Variants in DLGAP4 observed in about 807,000 individuals in gnomAD.
DLGAP4 encodes disks large-associated protein 4.
Under a neutral mutation model 86.9 loss-of-function variants are expected in DLGAP4, and 18 were observed. The observed-to-expected ratio is 0.21, with a 90% confidence interval of 0.14 to 0.31. DLGAP4 has a LOEUF of 0.31. Among genes scored for constraint, DLGAP4 ranks in the 10% least tolerant of loss-of-function variants. The pLI is 1.00. For synonymous variants in DLGAP4, 548 were observed against 574.3 expected (o/e 0.95, Z 0.65); for missense variants, 1,085 against 1,362.6 (o/e 0.80, Z 3.21).
intron 10 of DLGAP4, among the ~76,000 whole-genome samples, chr20:36,516,325 CTTG>C (rs751944046): frequency 3.9e-5 from 6 of 152,130 alleles, no homozygotes; most frequent in Non-Finnish European, 5.9e-5. Flanking sequence ...CCTAGTATAA[CTTG>C]TTGTAGGATT....
intron 1 of DLGAP4, among the ~76,000 whole-genome samples, chr20:36,336,918 T>A (rs1267859464): frequency 6.6e-6 from 1 of 152,124 alleles, no homozygotes; most frequent in Non-Finnish European, 1.5e-5. Context: ...CCGCACCCAG[T>A]CTCCCATCTC....
intron 7 of DLGAP4, among the ~76,000 whole-genome samples, chr20:36,474,080 A>G (rs1050854790): frequency 6.6e-6 from 1 of 152,278 alleles, no homozygotes; most frequent in Non-Finnish European, 1.5e-5. Context: ...TGTGCAAAGC[A>G]CTAAGCACAG....
chr20:36,357,431 G>C (rs188522657), intron 1 of DLGAP4, among the ~76,000 whole-genome samples: 98 of 152,280 alleles, frequency 6.4e-4, no homozygotes, highest in Non-Finnish European at 8.1e-4. Flanking sequence ...TAAGCCCTTG[G>C]GGCTCAAGAA....
intron 2 of DLGAP4, among the ~76,000 whole-genome samples, chr20:36,385,096 G>T (rs1336891269): frequency 6.6e-6 from 1 of 152,146 alleles, no homozygotes; most frequent in Non-Finnish European, 1.5e-5. Context: ...GTAGGACTCA[G>T]GCTGGATTTG....
intron 2 of DLGAP4, among the ~76,000 whole-genome samples, chr20:36,372,262 C>T (rs1338989497): frequency 1.3e-5 from 2 of 152,190 alleles, no homozygotes; most frequent in African/African-American, 4.8e-5. Flanking sequence ...TACCGTGTGT[C>T]GGCTTGTCCT....
intron 7 of DLGAP4, among the ~76,000 whole-genome samples, chr20:36,463,597 G>T (rs772378147): frequency 5.9e-5 from 9 of 152,244 alleles, no homozygotes; most frequent in Admixed American, 5.9e-4. Context: ...TAGTCCGTTT[G>T]TAAAGATAGA....
At chr20:36,408,118 T>C (rs532742540) in intron 2 of DLGAP4, among the ~76,000 whole-genome samples, 1 of 151,786 alleles carries the variant, frequency 6.6e-6, no homozygotes, top group African/African-American at 2.4e-5. Flanking sequence ...AGGTCAGACT[T>C]AGGGGCCAAG....
chr20:36,323,645 T>C (rs2065190804), intron 1 of DLGAP4, among the ~76,000 whole-genome samples: 1 of 152,208 alleles, frequency 6.6e-6, no homozygotes, highest in Non-Finnish European at 1.5e-5. Context: ...CTGTGGGTTG[T>C]CTCTTCACTT....
At chr20:36,416,555 G>A (rs1209372169) in intron 2 of DLGAP4, among the ~76,000 whole-genome samples, 1 of 152,266 alleles carries the variant, frequency 6.6e-6, no homozygotes, top group African/African-American at 2.4e-5. Context: ...GCTCTGTACA[G>A]AGTCGTTGCT....
At chr20:36,339,235 G>A (rs1199111009) in intron 1 of DLGAP4, among the ~76,000 whole-genome samples, 3 of 151,992 alleles carry the variant, frequency 2.0e-5, no homozygotes, top group South Asian at 2.1e-4. Context: ...CTGAAGGTGC[G>A]TGCCACCATG....
At chr20:36,446,110 G>A (rs891030098) in intron 6 of DLGAP4, among the ~76,000 whole-genome samples, 3 of 152,152 alleles carry the variant, frequency 2.0e-5, no homozygotes, top group South Asian at 2.1e-4. Flanking sequence ...CTTCAGCTTC[G>A]TCTCTGGCCT....
intron 10 of DLGAP4, among the ~76,000 whole-genome samples, chr20:36,501,988 T>G (rs1436239732): frequency 6.6e-6 from 1 of 152,224 alleles, no homozygotes; most frequent in Non-Finnish European, 1.5e-5. Context: ...TTCCCCACTT[T>G]CAGTTTTTAC....
At chr20:36,326,419 T>C (rs1455417912) in intron 1 of DLGAP4, among the ~76,000 whole-genome samples, 1 of 152,256 alleles carries the variant, frequency 6.6e-6, no homozygotes, top group Non-Finnish European at 1.5e-5. Flanking sequence ...CAATCTACAC[T>C]TTAAACTTAT....
chr20:36,503,394 C>G (rs1232846858), intron 10 of DLGAP4, among the ~76,000 whole-genome samples: 2 of 151,882 alleles, frequency 1.3e-5, no homozygotes, highest in Admixed American at 1.3e-4. Context: ...GCCGCTCCCA[C>G]AGCCTTAGGC....
In DLGAP4 at chr20:36,376,343, C is replaced by T. The variant is rs968591234; in HGVS notation, c.-73+9068C>T. 3.3e-5 allele frequency among the ~76,000 whole-genome samples: 5 copies of T among 152,130 alleles called. No homozygotes were observed. The East Asian group carries it at 5.8e-4, about 18-fold the overall frequency. ...AAAATTAGCTGGGTGCAGTGGCAGG[C>T]GCCTGTAATCCCAGCTACTCAGGAG... On this transcript the variant is annotated intron_variant, in intron 2 of 12. Coordinates refer to ENST00000339266, the MANE Select transcript of DLGAP4 (RefSeq NM_001365621.2).
intron 7 of DLGAP4, among the ~76,000 whole-genome samples, chr20:36,467,267 A>G (rs924920167): frequency 6.6e-6 from 1 of 152,238 alleles, no homozygotes; most frequent in Non-Finnish European, 1.5e-5. Flanking sequence ...AGAAGTGAGC[A>G]TGAGCCAGAG....
intron 10 of DLGAP4, chr20:36,510,795 G>C (rs547410911): frequency 1.3e-5 from 2 of 152,324 alleles, no homozygotes; most frequent in Admixed American, 1.3e-4. Flanking sequence ...GACCTCAAGT[G>C]ATCCACCCAC....
chr20:36,401,604 T>A (rs1272240438), intron 2 of DLGAP4, among the ~76,000 whole-genome samples: 1 of 152,266 alleles, frequency 6.6e-6, no homozygotes, highest in Non-Finnish European at 1.5e-5. Flanking sequence ...CCTCAGTAGC[T>A]GCTGGGTGCC....
rs1183044517 is a variant in DLGAP4, at chr20:36,327,432, C to A, written c.-304+20920C>A. Among the ~76,000 whole-genome samples the A allele has an allele frequency of 1.3e-4, 20 of 152,186 alleles. 1 individual carries two copies. The highest frequency in any genetic ancestry group is 4.8e-4 in the African/African-American group (20 of 41,492). ...AAGATTTATAATTTATAATTTTACA[C>A]CTGGCAGAGTGCAGCACAGGAAACG... On this transcript the variant is annotated intron_variant, in intron 1 of 12. Coordinates refer to ENST00000339266, the MANE Select transcript of DLGAP4 (RefSeq NM_001365621.2).
Sources: allele counts gnomAD v4.1 joint callset (sites outside exome capture counted in the v4.1 genomes callset), GRCh38; gene constraint gnomAD v4.1.1; transcripts MANE v1.5; gene names NCBI Gene and HGNC (gene_info 2026-07-23, HGNC 2026-07-21).